HMGB1: variants seen among roughly 807,000 people sequenced by gnomAD.
HMGB1 encodes high mobility group protein B1.
For synonymous variants in HMGB1, 81 were observed against 84.0 expected, an observed-to-expected ratio of 0.96 and a Z score of 0.19; for missense variants, 79 against 253.5, an observed-to-expected ratio of 0.31 and a Z score of 4.67.
rs1015755625 is a variant in HMGB1 at position 30,514,747 on chromosome 13, C to T, written c.-14-51053G>A. 2.6e-5 allele frequency among the ~76,000 whole-genome samples: 4 copies of T among 152,174 alleles called. No homozygotes were observed. In the East Asian group the frequency reaches 7.7e-4, roughly 29 times the overall value. On this transcript the variant is annotated intron_variant, in intron 1 of 4. Transcript: ENST00000405805. Reference sequence around the variant, plus strand: ...CAAACTCCTGGGCTCAAGCCATCCTCCCGCCTCAGACTCCCAAGTAGCTGG... The same window carrying T: ...CAAACTCCTGGGCTCAAGCCATCCTTCCGCCTCAGACTCCCAAGTAGCTGG...
rs551235125 is a variant in HMGB1, at chr13:30,600,329, C to T, written c.-15+16342G>A. 2.8e-3 allele frequency among the ~76,000 whole-genome samples: 430 copies of T among 152,246 alleles called. 6 individuals carry two copies. Among genetic ancestry groups the T allele is most frequent in the African/African-American group, 9.9e-3 (410 of 41,528 alleles). ...TATGAAATTTTCTTTATTACTGCTCCGCTACTGGAATGTTAGATCACTGTC... is the reference window on the plus strand; with the variant it reads ...TATGAAATTTTCTTTATTACTGCTCTGCTACTGGAATGTTAGATCACTGTC... On this transcript the variant is annotated intron_variant, in intron 1 of 4. Transcript: ENST00000405805.
chr13:30,538,903 G>GT (rs1484613703), intron 1 of HMGB1, among the ~76,000 whole-genome samples: 8 of 149,942 alleles, frequency 5.3e-5, no homozygotes, highest in African/African-American at 2.0e-4. Context: ...GTTTTGTTTT[G>GT]TTTTGTTTTT....
chr13:30,594,965 T>A (rs1593334467), intron 1 of HMGB1, among the ~76,000 whole-genome samples: 1 of 152,316 alleles, frequency 6.6e-6, no homozygotes, highest in Middle Eastern at 3.4e-3. Context: ...GACAAAATCT[T>A]AATGACAGGT....
chr13:30,593,862 C>T (rs1417171534), intron 1 of HMGB1, among the ~76,000 whole-genome samples: 2 of 151,922 alleles, frequency 1.3e-5, no homozygotes, highest in African/African-American at 2.4e-5. Flanking sequence ...AAGACAAAGA[C>T]GGCTATGGAA....
Position 30,465,904 on chromosome 13 carries a change from G to A in HMGB1, c.-123C>T. On this transcript the variant is annotated 5_prime_UTR_variant, in exon 1 of 5. Coordinates refer to ENST00000341423, the MANE Select transcript of HMGB1 (RefSeq NM_002128.7). ...ATGGCTGTGAGAGCGGGAGCCAGAC[G>A]CAGCCTCCTCACTCTCTCCGCTCTG... 1.0e-6 allele frequency: 1 copy of A among 985,810 alleles called. No individual in the cohort carries two copies. The highest frequency in any genetic ancestry group is 1.2e-6 in the Non-Finnish European group (1 of 829,882). The allele number at this position is 985,810 out of a possible 1,614,324, so 61.1% of individuals were successfully genotyped here.
intron 1 of HMGB1, chr13:30,553,532 A>G (rs1869529953): frequency 2.2e-6 from 1 of 447,918 alleles, no homozygotes. Flanking sequence ...TTAGAAATTT[A>G]CCAAATATAT....
rs202215058 is a variant in HMGB1, at chr13:30,592,185, AT to A, written c.-15+24485del. On this transcript the variant is annotated intron_variant, in intron 1 of 4. Transcript: ENST00000405805. Reference sequence around the variant, plus strand: ...CTAGCCACAAAATTAAAAAAAAAACATTTTCCCCTATATTACATTCATGGAT... The same window carrying A: ...CTAGCCACAAAATTAAAAAAAAAACATTTCCCCTATATTACATTCATGGAT... 2.9e-3 allele frequency among the ~76,000 whole-genome samples: 406 copies of A among 138,122 alleles called. 1 individual carries two copies. The highest frequency in any genetic ancestry group is 0.013 in the African/African-American group (386 of 30,814). 90.6% of individuals were successfully genotyped at this position (138,122 alleles called of 152,430 possible). A position where few individuals can be genotyped will look rare whatever the true frequency, so the allele number is the denominator to read the frequency against.
intron 1 of HMGB1, among the ~76,000 whole-genome samples, chr13:30,475,135 TC>T (rs776813349): frequency 0.17 from 9,021 of 52,018 alleles, 2,383 homozygotes; most frequent in East Asian, 0.24. Context: ...TCTCTCTCTC[TC>T]TCTTTTTTTT....
At chr13:30,556,423 A>G (rs2137519231) in intron 1 of HMGB1, among the ~76,000 whole-genome samples, 1 of 152,306 alleles carries the variant, frequency 6.6e-6, no homozygotes, top group East Asian at 1.9e-4. Context: ...AAACAAAACA[A>G]GTCATTGATA....
chr13:30,611,877 A>G (rs896380372), intron 1 of HMGB1, among the ~76,000 whole-genome samples: 1 of 152,176 alleles, frequency 6.6e-6, no homozygotes, highest in Non-Finnish European at 1.5e-5. Flanking sequence ...CCATTGATGA[A>G]AAAGTTAATA....
At chr13:30,483,613 A>ATTTTTTT (rs1887288251) in intron 1 of HMGB1, among the ~76,000 whole-genome samples, 1 of 65,804 alleles carries the variant, frequency 1.5e-5, no homozygotes, top group Non-Finnish European at 2.9e-5. Context: ...GAACGTGCAA[A>ATTTTTTT]TTTCTTTTTT....
At chr13:30,542,804 T>C in intron 1 of HMGB1, 1 of 169,830 alleles carries the variant, frequency 5.9e-6, no homozygotes. Flanking sequence ...TCACTTTCTC[T>C]GTGGAAGTCT....
intron 1 of HMGB1, among the ~76,000 whole-genome samples, chr13:30,615,616 C>T (rs572960927): frequency 6.6e-6 from 1 of 152,234 alleles, no homozygotes; most frequent in South Asian, 2.1e-4. Flanking sequence ...ACAGACTGTA[C>T]TCATAGAGTG....
At chr13:30,568,519 G>GA (rs1053272795) in intron 1 of HMGB1, among the ~76,000 whole-genome samples, 3 of 151,532 alleles carry the variant, frequency 2.0e-5, no homozygotes, top group South Asian at 2.1e-4. Flanking sequence ...CAGGAGAAAA[G>GA]AAAAAAAGGT....
intron 1 of HMGB1, among the ~76,000 whole-genome samples, chr13:30,579,609 C>T (rs985795220): frequency 1.2e-4 from 18 of 152,074 alleles, no homozygotes; most frequent in African/African-American, 3.6e-4. Context: ...TTTAACCTTA[C>T]CCACAAGTTT....
At chr13:30,604,029 CAG>C (rs1279381606) in intron 1 of HMGB1, among the ~76,000 whole-genome samples, 1 of 151,900 alleles carries the variant, frequency 6.6e-6, no homozygotes, top group East Asian at 1.9e-4. Context: ...ATTCAACAAA[CAG>C]AACATGTAAA....
chr13:30,462,377 TA>T, intron 4 of HMGB1, 160 bp downstream of exon 4: 1 of 748,334 alleles, frequency 1.3e-6, no homozygotes, highest in Non-Finnish European at 2.4e-6. Context: ...AAAAAAACCC[TA>T]ATTTATTTGG....
chr13:30,552,794 G>A (rs1474137466), intron 1 of HMGB1, among the ~76,000 whole-genome samples: 3 of 152,154 alleles, frequency 2.0e-5, no homozygotes, highest in Non-Finnish European at 4.4e-5. Flanking sequence ...AACATTCTGA[G>A]CAATATATCA....
intron 1 of HMGB1, among the ~76,000 whole-genome samples, chr13:30,546,282 A>AT (rs1214547324): frequency 6.6e-6 from 1 of 152,036 alleles, no homozygotes; most frequent in East Asian, 1.9e-4. Context: ...CGCCTGGCTA[A>AT]TTTTTTGTAT....
Sources: gnomAD v4.1 joint callset for allele counts (sites outside exome capture counted in the v4.1 genomes callset) on GRCh38, gnomAD v4.1.1 for gene constraint, MANE v1.5 for transcripts, NCBI Gene and HGNC (gene_info 2026-07-23, HGNC 2026-07-21) for gene names.